The following ERFL variants were observed in gnomAD, a reference collection of about 807,000 sequenced individuals.
ERFL encodes ETS repressor factor like, also known as ETS domain-containing transcription factor ERF-like.
In ERFL, 8 loss-of-function variants were observed where a neutral mutation model predicts 27.9. That is an observed-to-expected ratio of 0.29 (90% CI 0.17 to 0.52). The LOEUF (loss-of-function observed/expected upper bound fraction) is 0.52. Among genes scored for constraint, ERFL ranks in the 20% least tolerant of loss-of-function variants. The pLI is 0.97. For synonymous variants in ERFL, 174 were observed against 202.8 expected, an observed-to-expected ratio of 0.86 and a Z score of 1.21; for missense variants, 294 against 444.4, an observed-to-expected ratio of 0.66 and a Z score of 3.04.
In ERFL at chr19:41,914,608, CCCTCCCCTTCCACCATCTCTGTCTCT is replaced by C. The variant is rs1568831745; in HGVS notation, c.-13-1702_-13-1677del. Among the ~76,000 whole-genome samples, 61 of 55,560 alleles carry C rather than the reference CCCTCCCCTTCCACCATCTCTGTCTCT, an allele frequency of 1.1e-3. 5 individuals are homozygous for C. The highest frequency in any genetic ancestry group is 1.4e-3 in the Non-Finnish European group (42 of 29,522). The allele number at this position is 55,560 out of a possible 152,430, so 36.4% of individuals were successfully genotyped here. A position where few individuals can be genotyped will look rare whatever the true frequency, so the allele number is the denominator to read the frequency against. On this transcript the variant is annotated intron_variant, in intron 1 of 5. Coordinates refer to ENST00000597630, the MANE Select transcript of ERFL (RefSeq NM_001365103.2). ...CTCCCTTTCCACCATCTCTGTCTCT[CCCTCCCCTTCCACCATCTCTGTCTCT>C]GTCTCTCCCTCCCTTTCCACCATCT... is the stretch of plus-strand genomic sequence containing the variant.
intron 1 of ERFL, among the ~76,000 whole-genome samples, chr19:41,913,894 C>G (rs1465640002): frequency 1.3e-5 from 2 of 151,016 alleles, no homozygotes; most frequent in Non-Finnish European, 3.0e-5. Flanking sequence ...TCAGGCACTT[C>G]AGCCCCTCAC....
At chr19:41,912,447 C>T (rs1400851003) in intron 2 of ERFL, among the ~76,000 whole-genome samples, 2 of 152,218 alleles carry the variant, frequency 1.3e-5, no homozygotes, top group Non-Finnish European at 2.9e-5. Context: ...GTACCCCTGA[C>T]TGGGCAGTGC....
Position 41,917,554 on chromosome 19 carries a change from T to A in ERFL, c.-13-4622A>T, listed in dbSNP as rs782135864. On this transcript the variant is annotated intron_variant, in intron 1 of 5. Coordinates refer to ENST00000597630, the MANE Select transcript of ERFL (RefSeq NM_001365103.2). The surrounding 1 kb of genome is among the most constrained non-coding windows in gnomAD (Gnocchi z 4.8). ...GATTTTTTTTTTAAATTTCATATCT[T>A]CTCCGGGGCTCTGTCTAAAGAGGAG... Among the ~76,000 whole-genome samples the A allele has an allele frequency of 4.0e-5, 6 of 151,382 alleles. No individual in the cohort carries two copies. Among genetic ancestry groups the A allele is most frequent in the Middle Eastern group, 6.8e-3 (2 of 294 alleles).
At position 41,908,950 on chromosome 19, in the gene ERFL, G is replaced by A; in HGVS notation, c.616+110C>T. 2 of 642,308 alleles carry A rather than the reference G, an allele frequency of 3.1e-6. No individual in the cohort carries two copies. The highest frequency in any genetic ancestry group is 4.4e-6 in the Non-Finnish European group (2 of 450,316). The allele number at this position is 642,308 out of a possible 1,614,324, so 39.8% of individuals were successfully genotyped here. The stretch of plus-strand genomic sequence containing the variant: ...TTACACACACACACCCTACAACCTG[G>A]CCCTGGGCCCCCTTCCCCATCTCTT... On this transcript the variant is annotated intron_variant, in intron 5 of 5. Coordinates refer to ENST00000597630, the MANE Select transcript of ERFL (RefSeq NM_001365103.2). The surrounding 1 kb of genome is among the most constrained non-coding windows in gnomAD (Gnocchi z 6.7).
Position 41,908,771 on chromosome 19 carries a change from C to T in ERFL, c.617-95G>A, listed in dbSNP as rs1299074537. 4 of 602,702 alleles carry T rather than the reference C, an allele frequency of 6.6e-6. No homozygotes were observed. The highest frequency in any genetic ancestry group is 6.9e-5 in the East Asian group (2 of 28,990). 37.3% of individuals were successfully genotyped at this position (602,702 alleles called of 1,614,324 possible). On this transcript the variant is annotated intron_variant, in intron 5 of 5. Coordinates refer to ENST00000597630, the MANE Select transcript of ERFL (RefSeq NM_001365103.2). The surrounding 1 kb of genome is among the most constrained non-coding windows in gnomAD (Gnocchi z 6.7). ...CCTGCCATATCCCACCCCATCTCCC[C>T]GCATCCCTCCTACATGGCATCTTAC...
chr19:41,914,622 CAT>C (rs2074779368), intron 1 of ERFL, among the ~76,000 whole-genome samples: 1 of 40,354 alleles, frequency 2.5e-5, no homozygotes, highest in Non-Finnish European at 4.3e-5. Flanking sequence ...CCCCTTCCAC[CAT>C]CTCTGTCTCT....
chr19:41,915,939 T>TC (rs1186463264), intron 1 of ERFL, among the ~76,000 whole-genome samples: 7 of 139,408 alleles, frequency 5.0e-5, no homozygotes, highest in Middle Eastern at 3.8e-3. Context: ...CCCACCCCCC[T>TC]CCCCCCCGCC....
rs1255066661 is a variant in ERFL, at chr19:41,907,814, G to A, written c.*414C>T. The A allele has an allele frequency of 5.2e-6, 1 of 192,658 alleles. No homozygotes were observed. The highest frequency in any genetic ancestry group is 1.0e-5 in the Non-Finnish European group (1 of 95,936). The allele number at this position is 192,658 out of a possible 1,614,324, so 11.9% of individuals were successfully genotyped here. On this transcript the variant is annotated 3_prime_UTR_variant, in exon 6 of 6. Transcript: ENST00000597630. ...CTCCTGGGTGGGGGCTGGGGGCGGGGTTATTGCTCTGAGCTCCCTGTCCCC... is the reference window on the plus strand; with the variant it reads ...CTCCTGGGTGGGGGCTGGGGGCGGGATTATTGCTCTGAGCTCCCTGTCCCC...
chr19:41,910,211 CT>C lies in ERFL; in HGVS notation c.68-115del. The C allele has an allele frequency of 3.9e-6, 4 of 1,026,698 alleles. No individual in the cohort carries two copies. Among genetic ancestry groups the C allele is most frequent in the Non-Finnish European group, 5.6e-6 (4 of 711,712 alleles). 63.6% of individuals were successfully genotyped at this position (1,026,698 alleles called of 1,614,324 possible). A position where few individuals can be genotyped will look rare whatever the true frequency, so the allele number is the denominator to read the frequency against. ...GTAGTTCTCCTCCAGTCTCAGGCAT[CT>C]TTAGGGACCTGGTTTCCACACTCCA... On this transcript the variant is annotated intron_variant, in intron 2 of 5. Transcript: ENST00000597630. This position sits in a 1 kb window ranked among gnomAD's most constrained non-coding sequence, Gnocchi z 4.4.
chr19:41,912,656 G>T (rs928686946), intron 2 of ERFL, among the ~76,000 whole-genome samples, 197 bp downstream of exon 2: 1 of 152,210 alleles, frequency 6.6e-6, no homozygotes, highest in Admixed American at 6.5e-5. Flanking sequence ...CAGCACGCAG[G>T]GGGCAGGGGA....
Position 41,912,921 on chromosome 19 carries a change from G to A in ERFL, c.-2C>T. ...GTCGGAGACGCAGCTACAGTCCATG[G>A]CGGAGCCGGCCCTGCAGAGGCCGGG... is the stretch of plus-strand genomic sequence containing the variant. On this transcript the variant is annotated 5_prime_UTR_variant, in exon 2 of 6. Coordinates refer to ENST00000597630, the MANE Select transcript of ERFL (RefSeq NM_001365103.2). The A allele has an allele frequency of 1.6e-6, 2 of 1,231,154 alleles. No individual in the cohort carries two copies. The highest frequency in any genetic ancestry group is 1.6e-5 in the African/African-American group (1 of 64,484). The allele number at this position is 1,231,154 out of a possible 1,614,324, so 76.3% of individuals were successfully genotyped here.
intron 1 of ERFL, among the ~76,000 whole-genome samples, chr19:41,919,257 A>G (rs558919630): frequency 6.6e-6 from 1 of 152,296 alleles, no homozygotes; most frequent in African/African-American, 2.4e-5. Flanking sequence ...AACACACAGA[A>G]GCACACAGGG....
chr19:41,920,918 CCTCT>C (rs797031699), intron 1 of ERFL, among the ~76,000 whole-genome samples: 41 of 152,342 alleles, frequency 2.7e-4, no homozygotes, highest in African/African-American at 8.2e-4. Context: ...TCTGTCTCTC[CCTCT>C]CTGTCTCTGT....
intron 1 of ERFL, among the ~76,000 whole-genome samples, chr19:41,925,317 G>A (rs938657976): frequency 2.0e-5 from 3 of 152,086 alleles, no homozygotes; most frequent in Non-Finnish European, 2.9e-5. Context: ...TGGGAAATTA[G>A]GTATGTGGGA....
At position 41,910,498 on chromosome 19, in the gene ERFL, C is replaced by T. The variant is rs1189588154; in HGVS notation, c.68-401G>A. On this transcript the variant is annotated intron_variant, in intron 2 of 5. Coordinates refer to ENST00000597630, the MANE Select transcript of ERFL (RefSeq NM_001365103.2). This position sits in a 1 kb window ranked among gnomAD's most constrained non-coding sequence, Gnocchi z 4.4. ...CCTAGGAGGTCTCTAGTCTCTTGTA[C>T]CCTGCGGTGCCCTCAGCTCTTACTG... Among the ~76,000 whole-genome samples, 1 of 152,116 alleles carries T rather than the reference C, an allele frequency of 6.6e-6. No individual in the cohort carries two copies. Among genetic ancestry groups the T allele is most frequent in the Non-Finnish European group, 1.5e-5 (1 of 68,012 alleles).
At chr19:41,914,579 C>T (rs73550624) in intron 1 of ERFL, among the ~76,000 whole-genome samples, 1,814 of 86,434 alleles carry the variant, frequency 0.021, 404 homozygotes, top group African/African-American at 0.097. Flanking sequence ...GTCTCCGTCT[C>T]TCCCTCCCTT....
Position 41,928,202 on chromosome 19 carries a change from G to A in ERFL, c.-176C>T, listed in dbSNP as rs2074883497. The A allele has an allele frequency of 1.3e-5, 2 of 152,044 alleles. No homozygotes were observed. The highest frequency in any genetic ancestry group is 1.9e-4 in the East Asian group (1 of 5,146). 9.4% of individuals were successfully genotyped at this position (152,044 alleles called of 1,614,324 possible). A position where few individuals can be genotyped will look rare whatever the true frequency, so the allele number is the denominator to read the frequency against. On this transcript the variant is annotated 5_prime_UTR_variant, in exon 1 of 6. Transcript: ENST00000597630. ...GGGAGGCAGAGACCCAGAGGACGAG[G>A]AGAGGGAGTCTCTGAGACGCCGGGA... is the stretch of plus-strand genomic sequence containing the variant.
rs981294933 is a variant in ERFL at position 41,928,404 on chromosome 19, C to T, written c.-378G>A. On this transcript the variant is annotated 5_prime_UTR_variant, in exon 1 of 6. Transcript: ENST00000597630. ...GCTCAGCACAGCGAGCGCGGGCGGG[C>T]GCGCGCCGGGGACAGCCTGGCCGGC... 50 of 153,176 alleles carry T rather than the reference C, an allele frequency of 3.3e-4. No individual in the cohort carries two copies. The highest frequency in any genetic ancestry group is 1.1e-3 in the African/African-American group (46 of 41,418). 9.5% of individuals were successfully genotyped at this position (153,176 alleles called of 1,614,324 possible).
rs1370764038 is a variant in ERFL at position 41,917,938 on chromosome 19, G to A, written c.-13-5006C>T. 1.3e-5 allele frequency among the ~76,000 whole-genome samples: 2 copies of A among 151,794 alleles called. No individual in the cohort carries two copies. Among genetic ancestry groups the A allele is most frequent in the African/African-American group, 4.9e-5 (2 of 41,180 alleles). On this transcript the variant is annotated intron_variant, in intron 1 of 5. Transcript: ENST00000597630. The surrounding 1 kb of genome is among the most constrained non-coding windows in gnomAD (Gnocchi z 4.8). ...GCGGTCACACACTGTGTGTGTGTGT[G>A]CTCACACACCTGTCCGTCCAGACTA...
Sources: allele counts gnomAD v4.1 joint callset (sites outside exome capture counted in the v4.1 genomes callset), GRCh38; gene constraint gnomAD v4.1.1; non-coding constraint Gnocchi (gnomAD v3.1); transcripts MANE v1.5; gene names NCBI Gene and HGNC (gene_info 2026-07-23, HGNC 2026-07-21).